Variants in CTNNA3 observed in about 807,000 individuals in gnomAD.
The protein encoded by CTNNA3 is catenin alpha 3.
Under a neutral mutation model 95.7 loss-of-function variants are expected in CTNNA3, and 76 were observed. The observed-to-expected ratio is 0.79, with a 90% CI of 0.66 to 0.96. The LOEUF is 0.96. CTNNA3 is among the 40% of genes least tolerant of loss of function. CTNNA3 has a pLI of 0.00. For missense variants in CTNNA3, 1,191 were observed against 1,089.8 expected, an observed-to-expected ratio of 1.09 and a Z score of -1.31; for synonymous variants, 431 against 374.4, an observed-to-expected ratio of 1.15 and a Z score of -1.74.
chr10:66,162,340 C>G (rs2084897074), intron 13 of CTNNA3, among the ~76,000 whole-genome samples: 1 of 152,104 alleles, frequency 6.6e-6, no homozygotes, highest in Non-Finnish European at 1.5e-5. Flanking sequence ...TAGGCTCTGT[C>G]AGGGGGAGGG....
intron 9 of CTNNA3, among the ~76,000 whole-genome samples, chr10:66,635,990 C>CTG (rs10527642): frequency 0.048 from 6,953 of 145,754 alleles, 186 homozygotes; most frequent in Middle Eastern, 0.076. Context: ...TGGAAGAACA[C>CTG]TGTGTGTGTG....
chr10:67,740,206 T>G (rs1338314543), intron 1 of CTNNA3, among the ~76,000 whole-genome samples: 1 of 152,100 alleles, frequency 6.6e-6, no homozygotes, highest in Non-Finnish European at 1.5e-5. Context: ...ATAAAAACCC[T>G]AGAAGAAAAC....
intron 5 of CTNNA3, among the ~76,000 whole-genome samples, chr10:67,274,028 A>T (rs1839088876): frequency 6.6e-6 from 1 of 152,224 alleles, no homozygotes; most frequent in Non-Finnish European, 1.5e-5. Context: ...TTAGGCATTT[A>T]AATGAAAGTT....
At position 66,417,898 on chromosome 10, in the gene CTNNA3, C is replaced by T. The variant is rs1167047139; in HGVS notation, c.1532-38546G>A. On this transcript the variant is annotated intron_variant, in intron 11 of 17. Coordinates refer to ENST00000433211, the MANE Select transcript of CTNNA3 (RefSeq NM_013266.4). ...GAGGGAAGTTTATAGAAATAATTGC[C>T]TACATCAAAAGTAGAAATATTACAA... is the stretch of plus-strand genomic sequence containing the variant. Among the ~76,000 whole-genome samples the T allele has an allele frequency of 5.3e-5, 8 of 151,460 alleles. No individual in the cohort carries two copies. In the South Asian group the frequency reaches 1.7e-3, roughly 32 times the overall value.
intron 5 of CTNNA3, among the ~76,000 whole-genome samples, chr10:67,464,941 A>G (rs1421153225): frequency 1.3e-5 from 2 of 151,752 alleles, no homozygotes; most frequent in African/African-American, 4.8e-5. Flanking sequence ...GAAAAGTTTA[A>G]TGGGGGAGAA....
intron 7 of CTNNA3, among the ~76,000 whole-genome samples, chr10:67,094,634 T>C (rs555034366): frequency 2.6e-5 from 4 of 151,858 alleles, no homozygotes; most frequent in African/African-American, 7.2e-5. Flanking sequence ...AGAATAAACA[T>C]ACCTTGTACT....
intron 8 of CTNNA3, among the ~76,000 whole-genome samples, chr10:66,775,206 A>G (rs1395927973): frequency 6.6e-6 from 1 of 152,220 alleles, no homozygotes; most frequent in African/African-American, 2.4e-5. Context: ...TGATGAGAAC[A>G]GAACCAGAAT....
chr10:66,416,114 C>T (rs1369231197), intron 11 of CTNNA3, among the ~76,000 whole-genome samples: 3 of 151,522 alleles, frequency 2.0e-5, no homozygotes, highest in African/African-American at 4.8e-5. Flanking sequence ...TGATAGATAA[C>T]GTAGAAAAGT....
rs566084647 is a variant in CTNNA3, at chr10:65,954,527, A to G, written c.2400+12085T>C. Among the ~76,000 whole-genome samples the G allele has an allele frequency of 1.9e-4, 29 of 152,298 alleles. No homozygotes were observed. The South Asian group carries it at 5.8e-3, about 30-fold the overall frequency. ...GAGTTTTTACGGTTTTAGGTCTAACATTTAAGTCTTTAATCCATCTTGACT... is the reference window on the plus strand; with the variant it reads ...GAGTTTTTACGGTTTTAGGTCTAACGTTTAAGTCTTTAATCCATCTTGACT... On this transcript the variant is annotated intron_variant, in intron 17 of 17. Transcript: ENST00000433211.
intron 12 of CTNNA3, among the ~76,000 whole-genome samples, chr10:66,292,303 T>C (rs1368122480): frequency 6.6e-6 from 1 of 152,150 alleles, no homozygotes; most frequent in Non-Finnish European, 1.5e-5. Context: ...ACTGAGTGAA[T>C]ATGCCTACCT....
At chr10:66,274,771 A>G (rs1347923820) in intron 13 of CTNNA3, among the ~76,000 whole-genome samples, 1 of 152,148 alleles carries the variant, frequency 6.6e-6, no homozygotes, top group African/African-American at 2.4e-5. Context: ...GGTTTTCATA[A>G]AAGAGTCTGC....
intron 14 of CTNNA3, among the ~76,000 whole-genome samples, chr10:66,099,814 G>T (rs1309664184): frequency 6.6e-6 from 1 of 151,964 alleles, no homozygotes; most frequent in East Asian, 1.9e-4. Context: ...TTGCTCTGGT[G>T]GTGGTCTATC....
chr10:67,398,227 G>C (rs1282108339), intron 5 of CTNNA3, among the ~76,000 whole-genome samples: 2 of 152,210 alleles, frequency 1.3e-5, no homozygotes, highest in African/African-American at 2.4e-5. Flanking sequence ...ACCCTGAAAA[G>C]CCACATGGGC....
intron 16 of CTNNA3, among the ~76,000 whole-genome samples, chr10:65,984,184 C>A (rs895661278): frequency 6.6e-6 from 1 of 151,138 alleles, no homozygotes; most frequent in Non-Finnish European, 1.5e-5. Context: ...AAAGAGAAAG[C>A]AACCAATGTT....
At chr10:66,609,213 C>T (rs1473940045) in intron 10 of CTNNA3, among the ~76,000 whole-genome samples, 1 of 151,322 alleles carries the variant, frequency 6.6e-6, no homozygotes, top group Admixed American at 6.6e-5. Flanking sequence ...GTATGTGCCA[C>T]CATGCCAGGC....
At chr10:67,441,688 A>G (rs1846525199) in intron 5 of CTNNA3, among the ~76,000 whole-genome samples, 1 of 152,170 alleles carries the variant, frequency 6.6e-6, no homozygotes, top group South Asian at 2.1e-4. Context: ...AAAAACTTTT[A>G]TTCTAGAATA....
intron 4 of CTNNA3, among the ~76,000 whole-genome samples, chr10:67,533,349 G>A (rs969983140): frequency 6.6e-6 from 1 of 151,246 alleles, no homozygotes; most frequent in Non-Finnish European, 1.5e-5. Flanking sequence ...AAATCCATAT[G>A]CCAATAAAAC....
At chr10:66,864,806 A>T (rs10997425) in intron 7 of CTNNA3, among the ~76,000 whole-genome samples, 1,718 of 152,272 alleles carry the variant, frequency 0.011, 29 homozygotes, top group African/African-American at 0.039. Flanking sequence ...ACTTAGATAA[A>T]TTAAATAGCT....
chr10:67,024,306 CT>C (rs1853216706), intron 7 of CTNNA3, among the ~76,000 whole-genome samples: 1 of 152,178 alleles, frequency 6.6e-6, no homozygotes, highest in South Asian at 2.1e-4. Context: ...CTGCTTCTGT[CT>C]TTATATTTTT....
Sources: gnomAD v4.1 joint callset for allele counts (sites outside exome capture counted in the v4.1 genomes callset) on GRCh38, gnomAD v4.1.1 for gene constraint, MANE v1.5 for transcripts, NCBI Gene and HGNC (gene_info 2026-07-23, HGNC 2026-07-21) for gene names.